Variants in NUBPL observed in about 807,000 individuals in gnomAD.
NUBPL encodes NUBP iron-sulfur cluster assembly factor, mitochondrial.
In NUBPL, 31 loss-of-function variants were observed where a neutral mutation model predicts 45.7. The observed-to-expected ratio is 0.68, with a 90% CI of 0.51 to 0.92. The LOEUF is 0.92. NUBPL is among the 40% of genes least tolerant of loss of function. NUBPL has a pLI of 0.00. For missense variants in NUBPL, 401 were observed against 398.7 expected, an observed-to-expected ratio of 1.01 and a Z score of -0.05; for synonymous variants, 144 against 140.9, an observed-to-expected ratio of 1.02 and a Z score of -0.15.
chr14:31,737,793 A>G (rs1256505936), intron 6 of NUBPL, among the ~76,000 whole-genome samples: 2 of 152,268 alleles, frequency 1.3e-5, no homozygotes, highest in African/African-American at 4.8e-5. Context: ...CATAATAATA[A>G]TAAATTAATT....
chr14:31,743,446 C>T (rs1410155989), intron 6 of NUBPL, among the ~76,000 whole-genome samples: 1 of 152,140 alleles, frequency 6.6e-6, no homozygotes, highest in Non-Finnish European at 1.5e-5. Context: ...GTGGCGCAAT[C>T]TCGGCTCACT....
intron 4 of NUBPL, among the ~76,000 whole-genome samples, chr14:31,638,078 G>T (rs952314709): frequency 6.6e-6 from 1 of 151,860 alleles, no homozygotes; most frequent in Non-Finnish European, 1.5e-5. Flanking sequence ...GGAGCATTTA[G>T]GCCATTTACA....
chr14:31,750,979 G>GGAGA (rs372596077), intron 6 of NUBPL, among the ~76,000 whole-genome samples: 2 of 151,810 alleles, frequency 1.3e-5, no homozygotes, highest in African/African-American at 2.4e-5. Context: ...CATGGTGGCA[G>GGAGA]GAGAGAGAGA....
At chr14:31,706,131 C>T (rs1206985823) in intron 6 of NUBPL, among the ~76,000 whole-genome samples, 2 of 150,358 alleles carry the variant, frequency 1.3e-5, no homozygotes, top group African/African-American at 4.8e-5. Context: ...GCAAGGGCTG[C>T]TAGCACATTG....
At chr14:31,657,634 C>T (rs1019570693) in intron 4 of NUBPL, among the ~76,000 whole-genome samples, 4 of 152,158 alleles carry the variant, frequency 2.6e-5, no homozygotes, top group Non-Finnish European at 5.9e-5. Flanking sequence ...ATAATATACA[C>T]ATGAACAGGC....
chr14:31,654,281 G>C (rs2036085972), intron 4 of NUBPL: 1 of 261,474 alleles, frequency 3.8e-6, no homozygotes, highest in South Asian at 4.0e-5. Flanking sequence ...AAATGCTAAT[G>C]ATCATTAGCC....
intron 6 of NUBPL, among the ~76,000 whole-genome samples, chr14:31,684,417 A>C (rs2036906444): frequency 6.6e-6 from 1 of 152,088 alleles, no homozygotes; most frequent in South Asian, 2.1e-4. Flanking sequence ...CCTTTCAGAA[A>C]GGTTTTGTAT....
At chr14:31,617,563 T>C (rs1445473502) in intron 4 of NUBPL, among the ~76,000 whole-genome samples, 1 of 152,352 alleles carries the variant, frequency 6.6e-6, no homozygotes, top group East Asian at 1.9e-4. Context: ...GTTCTGTTTA[T>C]GTGTTGGATC....
chr14:31,849,404 G>A (rs1017719841), intron 9 of NUBPL, among the ~76,000 whole-genome samples: 4 of 152,128 alleles, frequency 2.6e-5, no homozygotes, highest in African/African-American at 9.7e-5. Flanking sequence ...GCTGGAAAGA[G>A]TATATTGGAT....
intron 10 of NUBPL, 23 bp from the exon 11 acceptor site, chr14:31,859,094 AC>A (rs1175708962): frequency 1.2e-6 from 2 of 1,608,536 alleles, no homozygotes; most frequent in Non-Finnish European, 1.7e-6. Context: ...GAAATACAGA[AC>A]AAATAAGTTT....
At chr14:31,675,428 C>G (rs2036671081) in intron 6 of NUBPL, among the ~76,000 whole-genome samples, 1 of 152,172 alleles carries the variant, frequency 6.6e-6, no homozygotes, top group South Asian at 2.1e-4. Context: ...GAAACCAAAC[C>G]ATTATTTGGT....
intron 4 of NUBPL, among the ~76,000 whole-genome samples, chr14:31,659,638 T>G (rs2036221883): frequency 6.6e-6 from 1 of 152,214 alleles, no homozygotes; most frequent in Non-Finnish European, 1.5e-5. Context: ...ACTCAGTGAA[T>G]TAGCCCCGGA....
chr14:31,828,323 A>G (rs2040136842), intron 8 of NUBPL, among the ~76,000 whole-genome samples: 1 of 152,238 alleles, frequency 6.6e-6, no homozygotes, highest in Non-Finnish European at 1.5e-5. Context: ...ATTTTAAAAT[A>G]TAAATCAGCA....
intron 6 of NUBPL, among the ~76,000 whole-genome samples, chr14:31,679,601 G>A (rs534957742): frequency 1.3e-5 from 2 of 152,074 alleles, no homozygotes; most frequent in East Asian, 1.9e-4. Flanking sequence ...ATATGCAGTT[G>A]TGCTCCATTG....
chr14:31,565,975 G>T (rs1187540435), intron 3 of NUBPL, among the ~76,000 whole-genome samples: 2 of 151,656 alleles, frequency 1.3e-5, no homozygotes, highest in African/African-American at 4.8e-5. Context: ...CAACTTATTT[G>T]CAACTCCATA....
rs138121016 is a variant in NUBPL, at chr14:31,840,530, C to T, written c.694-5941C>T. ...CGGAGCTTGCAGTGAGCCAAGATCA[C>T]GCCACTGCACTCCAGCCTGGGCAAC... is the stretch of plus-strand genomic sequence containing the variant. On this transcript the variant is annotated intron_variant, in intron 8 of 10. Coordinates refer to ENST00000281081, the MANE Select transcript of NUBPL (RefSeq NM_025152.3). Among the ~76,000 whole-genome samples, 501 of 150,292 alleles carry T rather than the reference C, an allele frequency of 3.3e-3. 5 individuals carry two copies. Among genetic ancestry groups the T allele is most frequent in the African/African-American group, 0.011 (457 of 40,792 alleles).
At chr14:31,670,368 A>G (rs1417856201) in intron 4 of NUBPL, among the ~76,000 whole-genome samples, 1 of 152,166 alleles carries the variant, frequency 6.6e-6, no homozygotes, top group Non-Finnish European at 1.5e-5. Context: ...GAGGCTTGAT[A>G]TCGGACCTTT....
chr14:31,819,993 A>T (rs985551539), intron 7 of NUBPL, among the ~76,000 whole-genome samples: 1 of 151,936 alleles, frequency 6.6e-6, no homozygotes, highest in Non-Finnish European at 1.5e-5. Context: ...ACAAAAAATT[A>T]CCTGGGCATG....
At chr14:31,579,209 T>C (rs2033798895) in intron 3 of NUBPL, among the ~76,000 whole-genome samples, 1 of 152,226 alleles carries the variant, frequency 6.6e-6, no homozygotes. Flanking sequence ...ATGAAGGCTC[T>C]AGTTGTCCTT....
Sources: allele counts gnomAD v4.1 joint callset (sites outside exome capture counted in the v4.1 genomes callset), GRCh38; gene constraint gnomAD v4.1.1; transcripts MANE v1.5; gene names NCBI Gene and HGNC (gene_info 2026-07-23, HGNC 2026-07-21).